Variants in FMO5 observed in about 807,000 individuals in gnomAD.
The protein encoded by FMO5 is flavin-containing monooxygenase 5.
FMO5 carries 51 observed loss-of-function variants against 43.6 expected under a neutral mutation model. That is an observed-to-expected ratio of 1.17 (90% CI 0.93 to 1.48). The LOEUF is 1.48. Among genes scored for constraint, FMO5 ranks in the 40% most tolerant of loss-of-function variants. FMO5 has a pLI of 0.00. For missense variants in FMO5, 644 were observed against 643.0 expected (o/e 1.00, Z -0.02); for synonymous variants, 187 against 216.5 (o/e 0.86, Z 1.20).
intron 7 of FMO5, among the ~76,000 whole-genome samples, chr1:147,199,510 T>A (rs1658620457): frequency 6.6e-6 from 1 of 152,186 alleles, no homozygotes; most frequent in Non-Finnish European, 1.5e-5. Flanking sequence ...CATAATCTCA[T>A]AACCATAATG....
At chr1:147,199,757 G>T (rs1186243896) in intron 7 of FMO5, among the ~76,000 whole-genome samples, 3 of 152,172 alleles carry the variant, frequency 2.0e-5, no homozygotes, top group African/African-American at 7.2e-5. Flanking sequence ...TACATAATCT[G>T]CTGGATAGGA....
chr1:147,204,515 G>A, intron 6 of FMO5: 1 of 1,563,140 alleles, frequency 6.4e-7, no homozygotes, highest in Non-Finnish European at 8.8e-7. Context: ...AGAATCTCAT[G>A]AGCTTTTCTG....
chr1:147,224,086 G>A (rs1302114835), intron 2 of FMO5: 2 of 365,716 alleles, frequency 5.5e-6, no homozygotes, highest in African/African-American at 4.3e-5. Flanking sequence ...CCAAAATGGG[G>A]GTCCCTTACT....
At chr1:147,221,554 T>G (rs2102068803) in intron 2 of FMO5, among the ~76,000 whole-genome samples, 1 of 152,356 alleles carries the variant, frequency 6.6e-6, no homozygotes, top group Middle Eastern at 3.4e-3. Flanking sequence ...TGAGGCATGT[T>G]CCTAACTTCT....
At chr1:147,193,188 C>A (rs587720624) in intron 7 of FMO5, among the ~76,000 whole-genome samples, 2 of 152,060 alleles carry the variant, frequency 1.3e-5, no homozygotes, top group African/African-American at 4.8e-5. Flanking sequence ...AATTTCAGAG[C>A]CTGTTATTGG....
intron 2 of FMO5, among the ~76,000 whole-genome samples, chr1:147,219,840 C>CTTTTTT (rs71083821): frequency 1.9e-4 from 25 of 132,874 alleles, no homozygotes; most frequent in African/African-American, 2.5e-4. Context: ...ATGTTAATTG[C>CTTTTTT]TTTTTTTTTT....
At chr1:147,224,099 A>T in intron 2 of FMO5, 1 of 369,538 alleles carries the variant, frequency 2.7e-6, no homozygotes, top group Non-Finnish European at 5.3e-6. Context: ...CCCTTACTGC[A>T]TTATCAAGGG....
At chr1:147,195,380 G>T (rs72708571) in intron 7 of FMO5, among the ~76,000 whole-genome samples, 3,695 of 151,962 alleles carry the variant, frequency 0.024, 73 homozygotes, top group South Asian at 0.095. Context: ...TGATCCACCC[G>T]TCTCTGCATC....
At chr1:147,199,132 T>C (rs1199469235) in intron 7 of FMO5, among the ~76,000 whole-genome samples, 1 of 151,530 alleles carries the variant, frequency 6.6e-6, no homozygotes, top group African/African-American at 2.4e-5. Context: ...GAATATTTTC[T>C]TGACAAGAGA....
At chr1:147,201,577 C>T (rs1364981520) in intron 6 of FMO5, 73 bp from the exon 7 acceptor site, 12 of 1,256,360 alleles carry the variant, frequency 9.6e-6, no homozygotes, top group East Asian at 2.3e-5. Flanking sequence ...TAAAATTTTG[C>T]TTTGGTGGAG....
At chr1:147,187,278 CAAT>C in intron 8 of FMO5, 33 bp from the exon 9 acceptor site, 1 of 1,483,346 alleles carries the variant, frequency 6.7e-7, no homozygotes, top group South Asian at 1.3e-5. Context: ...CATGGCCTGT[CAAT>C]AATTCAATCA....
chr1:147,210,803 T>C (rs1230946704), intron 5 of FMO5: 1 of 152,218 alleles, frequency 6.6e-6, no homozygotes, highest in Non-Finnish European at 1.5e-5. Flanking sequence ...CAGTTTTCCA[T>C]CTATACCTTG....
At position 147,207,816 on chromosome 1, in the gene FMO5, G is replaced by T. The variant is rs190322026; in HGVS notation, c.830+1036C>A. On this transcript the variant is annotated intron_variant, in intron 6 of 8. Coordinates refer to ENST00000254090, the MANE Select transcript of FMO5 (RefSeq NM_001461.4). ...CCTTAGGGCAAACTCCTACCCATTCGCTCTGAAGTATGTGTGCCCCTCCCC... is the reference window on the plus strand; with the variant it reads ...CCTTAGGGCAAACTCCTACCCATTCTCTCTGAAGTATGTGTGCCCCTCCCC... Among the ~76,000 whole-genome samples, 5 of 152,104 alleles carry T rather than the reference G, an allele frequency of 3.3e-5. No homozygotes were observed. The East Asian group carries it at 7.7e-4, about 24-fold the overall frequency.
chr1:147,187,228 C>A lies in FMO5; in HGVS notation c.1274G>T (p.Arg425Leu). ...TATGTAGTCTCCCTGAATGGTATGG[C>A]GTTGGCTCTCCACATACCTAAAGTA... ...EIDKRYVESQ[R>L]HTIQGDYIDT... Residue 425 changes from arginine to leucine, a missense_variant, in exon 9 of 9, where the codon CGC becomes CTC. Coordinates refer to ENST00000254090, the MANE Select transcript of FMO5 (RefSeq NM_001461.4). 6.2e-7 allele frequency: 1 copy of A among 1,607,352 alleles called. No individual in the cohort carries two copies. Among genetic ancestry groups the A allele is most frequent in the Non-Finnish European group, 8.5e-7 (1 of 1,177,118 alleles).
At chr1:147,193,354 T>C (rs1553918989) in intron 7 of FMO5, among the ~76,000 whole-genome samples, 1 of 152,170 alleles carries the variant, frequency 6.6e-6, no homozygotes, top group Non-Finnish European at 1.5e-5. Flanking sequence ...TCGGTGGTGA[T>C]ATCCCCTTTA....
chr1:147,203,802 GAAGTACT>G (rs1659480323), intron 6 of FMO5: 5 of 1,546,598 alleles, frequency 3.2e-6, no homozygotes, highest in Non-Finnish European at 3.6e-6. Context: ...GTAGAGCCCC[GAAGTACT>G]ATGGTAGAAA....
At chr1:147,191,745 C>T (rs1369740298) in intron 7 of FMO5, among the ~76,000 whole-genome samples, 1 of 151,968 alleles carries the variant, frequency 6.6e-6, no homozygotes, top group Non-Finnish European at 1.5e-5. Flanking sequence ...CCAGTTTTCC[C>T]AGCACCATTT....
At chr1:147,214,516 A>C (rs982963793) in intron 3 of FMO5, among the ~76,000 whole-genome samples, 10 of 151,620 alleles carry the variant, frequency 6.6e-5, no homozygotes, top group Non-Finnish European at 1.3e-4. Flanking sequence ...GCAATCCAGC[A>C]CTATTTATAG....
chr1:147,196,308 G>A lies in FMO5; in HGVS notation c.1183+4844C>T, dbSNP rs587712501. Among the ~76,000 whole-genome samples the A allele has an allele frequency of 3.3e-5, 5 of 152,118 alleles. 1 individual carries two copies. Among genetic ancestry groups the A allele is most frequent in the Admixed American group, 3.3e-4 (5 of 15,272 alleles). On this transcript the variant is annotated intron_variant, in intron 7 of 8. Transcript: ENST00000254090. ...TTATTTATCATCATAAATCAATTAG[G>A]AAACACTGAAATGCTTCATTTAAGC...
Sources: gnomAD v4.1 joint callset for allele counts (sites outside exome capture counted in the v4.1 genomes callset) on GRCh38, gnomAD v4.1.1 for gene constraint, MANE v1.5 for transcripts, NCBI Gene and HGNC (gene_info 2026-07-23, HGNC 2026-07-21) for gene names.